The following PLEKHG1 variants were observed in gnomAD, a reference collection of about 807,000 sequenced individuals.
PLEKHG1 encodes the protein pleckstrin homology and RhoGEF domain containing G1, also known as pleckstrin homology domain-containing family G member 1.
PLEKHG1 carries 44 observed loss-of-function variants against 100.8 expected under a neutral mutation model. That is an observed-to-expected ratio of 0.44 (90% CI 0.34 to 0.56). The LOEUF (loss-of-function observed/expected upper bound fraction) is 0.56, where lower values mean the gene tolerates loss of function less well. Among genes scored for constraint, PLEKHG1 ranks in the 20% least tolerant of loss-of-function variants. The pLI is 0.01. For synonymous variants in PLEKHG1, 640 were observed against 662.5 expected, an observed-to-expected ratio of 0.97 and a Z score of 0.52; for missense variants, 1,545 against 1,720.9, an observed-to-expected ratio of 0.90 and a Z score of 1.81.
intron 5 of PLEKHG1, among the ~76,000 whole-genome samples, chr6:150,796,450 C>G (rs764150937): frequency 3.3e-5 from 5 of 152,140 alleles, no homozygotes; most frequent in Non-Finnish European, 5.9e-5. Context: ...ATCAATGGCA[C>G]AAGGGCAGTG....
chr6:150,722,281 ATTTAC>A (rs1237265460), intron 1 of PLEKHG1, among the ~76,000 whole-genome samples: 6 of 144,172 alleles, frequency 4.2e-5, no homozygotes, highest in Non-Finnish European at 7.6e-5. Flanking sequence ...AAATGGCTTT[ATTTAC>A]TTGGATCTCT....
At chr6:150,608,948 G>T in intron 1 of PLEKHG1, among the ~76,000 whole-genome samples, 1 of 152,146 alleles carries the variant, frequency 6.6e-6, no homozygotes, top group East Asian at 1.9e-4. Context: ...TAAATAGTGG[G>T]TATCTTATTG....
chr6:150,775,801 T>C (rs1424214500), intron 3 of PLEKHG1, among the ~76,000 whole-genome samples: 1 of 152,196 alleles, frequency 6.6e-6, no homozygotes, highest in African/African-American at 2.4e-5. Flanking sequence ...TGCATTTTCA[T>C]ACCACCAAAA....
At chr6:150,838,332 C>T (rs558604264) in intron 15 of PLEKHG1, among the ~76,000 whole-genome samples, 38 of 152,336 alleles carry the variant, frequency 2.5e-4, no homozygotes, top group African/African-American at 9.1e-4. Context: ...CAGCTGCATG[C>T]AGCCCATAAC....
chr6:150,757,269 G>A (rs1783895513), intron 2 of PLEKHG1, among the ~76,000 whole-genome samples: 1 of 152,134 alleles, frequency 6.6e-6, no homozygotes, highest in African/African-American at 2.4e-5. Context: ...CCAAAGTGCT[G>A]GGATTACAGG....
chr6:150,610,625 G>GA (rs1186820675), intron 1 of PLEKHG1, among the ~76,000 whole-genome samples: 5 of 151,754 alleles, frequency 3.3e-5, no homozygotes, highest in African/African-American at 7.3e-5. Flanking sequence ...GAAGAGGAAG[G>GA]AAAAAAAAGA....
intron 3 of PLEKHG1, chr6:150,662,314 G>C (rs1779224637): frequency 1.3e-5 from 2 of 152,182 alleles, no homozygotes; most frequent in African/African-American, 2.4e-5. Context: ...AGCAGGGCTA[G>C]GAACCATATA....
intron 10 of PLEKHG1, among the ~76,000 whole-genome samples, chr6:150,816,791 G>C (rs1159056275): frequency 6.6e-6 from 1 of 152,186 alleles, no homozygotes; most frequent in Non-Finnish European, 1.5e-5. Flanking sequence ...TCTCTGTGCA[G>C]TCAAACCTCT....
chr6:150,701,418 TA>T (rs1193669063), intron 3 of PLEKHG1, among the ~76,000 whole-genome samples: 33 of 4,878 alleles, frequency 6.8e-3, no homozygotes, highest in Non-Finnish European at 0.013. Context: ...AGTAATTCTT[TA>T]TATATATATA....
chr6:150,815,488 G>T (rs1787813767), intron 10 of PLEKHG1, among the ~76,000 whole-genome samples: 1 of 152,166 alleles, frequency 6.6e-6, no homozygotes, highest in African/African-American at 2.4e-5. Flanking sequence ...TGAAAATAAA[G>T]GTGAAGGTAT....
intron 3 of PLEKHG1, among the ~76,000 whole-genome samples, chr6:150,702,840 G>A (rs1247636214): frequency 2.0e-5 from 3 of 152,122 alleles, no homozygotes; most frequent in South Asian, 2.1e-4. Context: ...CCTCAGGGCT[G>A]TTCTGAACCC....
intron 13 of PLEKHG1, 47 bp from the exon 15 acceptor site, chr6:150,823,607 A>G (rs768330754): frequency 2.3e-6 from 3 of 1,282,232 alleles, no homozygotes; most frequent in Admixed American, 3.4e-5. Context: ...CTTATATAGG[A>G]GGTACATTTT....
intron 1 of PLEKHG1, among the ~76,000 whole-genome samples, chr6:150,615,801 G>T (rs971605844): frequency 2.0e-5 from 3 of 152,190 alleles, no homozygotes; most frequent in Non-Finnish European, 4.4e-5. Flanking sequence ...CTCCTGCCTT[G>T]CAGTTTTCTG....
At chr6:150,828,318 C>T (rs553762077) in intron 14 of PLEKHG1, 75 of 1,611,498 alleles carry the variant, frequency 4.7e-5, no homozygotes, top group East Asian at 1.6e-4. Context: ...CGATTGAAGA[C>T]GTGTTGCTCT....
intron 2 of PLEKHG1, among the ~76,000 whole-genome samples, chr6:150,650,058 C>CA (rs11330738): frequency 4.3e-4 from 54 of 126,674 alleles, no homozygotes; most frequent in Middle Eastern, 7.5e-3. Flanking sequence ...AACTTTGTCT[C>CA]AAAAAAAAAA....
At chr6:150,623,510 A>T (rs183084412) in intron 1 of PLEKHG1, among the ~76,000 whole-genome samples, 2 of 152,068 alleles carry the variant, frequency 1.3e-5, no homozygotes, top group African/African-American at 2.4e-5. Flanking sequence ...TCCAGTGGGA[A>T]CTCCAGGTCT....
At chr6:150,828,947 A>G (rs1473310095) in intron 14 of PLEKHG1, among the ~76,000 whole-genome samples, 4 of 152,200 alleles carry the variant, frequency 2.6e-5, no homozygotes, top group Non-Finnish European at 5.9e-5. Flanking sequence ...GTGTGTATGT[A>G]TGTGTGAAAA....
chr6:150,623,998 G>A (rs1304117142), intron 1 of PLEKHG1, among the ~76,000 whole-genome samples: 1 of 152,226 alleles, frequency 6.6e-6, no homozygotes, highest in East Asian at 1.9e-4. Context: ...CGCCTTATCA[G>A]ATTAATGTAT....
At chr6:150,603,623 T>G (rs1010191061) in intron 1 of PLEKHG1, among the ~76,000 whole-genome samples, 1 of 152,122 alleles carries the variant, frequency 6.6e-6, no homozygotes, top group Non-Finnish European at 1.5e-5. Context: ...GTATCTAGAA[T>G]AGTCTTCATG....
Sources: gnomAD v4.1 joint callset for allele counts (sites outside exome capture counted in the v4.1 genomes callset) on GRCh38, gnomAD v4.1.1 for gene constraint, MANE v1.5 for transcripts, NCBI Gene and HGNC (gene_info 2026-07-23, HGNC 2026-07-21) for gene names.